The following STK39 variants were observed in gnomAD, a reference collection of about 807,000 sequenced individuals.
The protein encoded by STK39 is STE20/SPS1-related proline-alanine-rich protein kinase.
Under a neutral mutation model 77.8 loss-of-function variants are expected in STK39, and 20 were observed. The ratio of observed to expected loss-of-function variants is 0.26; its 90% CI spans 0.18 to 0.37. The LOEUF (loss-of-function observed/expected upper bound fraction) is 0.37. STK39 is among the 10% of genes least tolerant of loss of function. STK39 has a pLI of 1.00. For missense variants in STK39, 479 were observed against 656.5 expected (o/e 0.73, Z 2.95); for synonymous variants, 246 against 234.1 (o/e 1.05, Z -0.47).
intron 16 of STK39, among the ~76,000 whole-genome samples, chr2:168,001,716 G>T (rs996695102): frequency 6.6e-6 from 1 of 152,200 alleles, no homozygotes; most frequent in African/African-American, 2.4e-5. Flanking sequence ...TCATGAGGCA[G>T]TGACTTCTCT....
At chr2:168,017,865 T>G (rs1684455520) in intron 14 of STK39, among the ~76,000 whole-genome samples, 1 of 152,098 alleles carries the variant, frequency 6.6e-6, no homozygotes, top group African/African-American at 2.4e-5. Flanking sequence ...AGGTATGCAT[T>G]TGGTAGTTTA....
chr2:168,001,530 AT>A (rs1425168292), intron 16 of STK39, among the ~76,000 whole-genome samples: 13 of 149,940 alleles, frequency 8.7e-5, no homozygotes, highest in Non-Finnish European at 1.0e-4. Flanking sequence ...AAAAAAAAAA[AT>A]GATAACCTAA....
rs767907261 is a variant in STK39, at chr2:168,065,364, G to T, written c.1260C>A (p.Ser420Arg). ...GGGACTGTATTTGTTCGGGGATGGT[G>T]CTGGCACTCACTGCAATCTGTTACG... The part of the protein sequence containing the change: ...EENPEIAVSA[S>R]TIPEQIQSLS... Residue 420 changes from serine (S) to arginine (R), a missense_variant, in exon 13 of 18, where the codon AGC (serine) becomes AGA (arginine). This residue lies in a region of STK39 where 244 missense variants were observed against 296.8 expected (regional missense o/e 0.82). Coordinates refer to ENST00000355999, the MANE Select transcript of STK39 (RefSeq NM_013233.3). 1.2e-6 allele frequency: 2 copies of T among 1,614,070 alleles called. No homozygotes were observed. Among genetic ancestry groups the T allele is most frequent in the South Asian group, 2.2e-5 (2 of 91,068 alleles).
intron 10 of STK39, chr2:168,113,043 A>C (rs973997267): frequency 1.3e-5 from 2 of 152,214 alleles, no homozygotes; most frequent in Non-Finnish European, 2.9e-5. Context: ...CCCGGCTTCC[A>C]TGATTAGAAA....
chr2:168,161,108 A>G (rs1379582165), intron 5 of STK39, among the ~76,000 whole-genome samples: 2 of 152,230 alleles, frequency 1.3e-5, no homozygotes, highest in Non-Finnish European at 2.9e-5. Flanking sequence ...CACTCCCCCA[A>G]GAAACCATGA....
At chr2:167,983,477 A>AAGGAAGG (rs1683481239) in intron 16 of STK39, among the ~76,000 whole-genome samples, 4 of 130,790 alleles carry the variant, frequency 3.1e-5, no homozygotes, top group African/African-American at 8.6e-5. Flanking sequence ...AAAAGAAATG[A>AAGGAAGG]AAGGAAGGAA....
chr2:168,209,379 T>C (rs1479150886), intron 1 of STK39, among the ~76,000 whole-genome samples: 1 of 152,116 alleles, frequency 6.6e-6, no homozygotes, highest in Non-Finnish European at 1.5e-5. Context: ...TCTCTTACTA[T>C]AAGAAACTAA....
intron 17 of STK39, among the ~76,000 whole-genome samples, chr2:167,955,808 T>C (rs1444651575): frequency 6.6e-6 from 1 of 152,196 alleles, no homozygotes; most frequent in African/African-American, 2.4e-5. Flanking sequence ...GGATTTGTTA[T>C]CCATTAAAAT....
At chr2:168,136,019 C>T (rs1187735124) in intron 8 of STK39, among the ~76,000 whole-genome samples, 2 of 150,504 alleles carry the variant, frequency 1.3e-5, no homozygotes, top group Non-Finnish European at 1.5e-5. Context: ...TAGAAGGAAC[C>T]TGATATTTAA....
rs138517038 is a variant in STK39, at chr2:168,175,201, A to C, written c.321+6777T>G. Among the ~76,000 whole-genome samples, 1,036 of 152,298 alleles carry C rather than the reference A, an allele frequency of 6.8e-3. 13 individuals are homozygous for C. Among genetic ancestry groups the C allele is most frequent in the African/African-American group, 0.023 (971 of 41,564 alleles). On this transcript the variant is annotated intron_variant, in intron 2 of 17. Transcript: ENST00000355999. ...ACGACAATAACATAGGAAAGAACTA[A>C]AGCATTTGTCTCAACCTAAGCAACA...
Position 168,235,328 on chromosome 2 carries a change from C to T in STK39, c.208+11900G>A, listed in dbSNP as rs544858422. Among the ~76,000 whole-genome samples, 10 of 152,206 alleles carry T rather than the reference C, an allele frequency of 6.6e-5. No homozygotes were observed. The South Asian group carries it at 1.9e-3, about 28-fold the overall frequency. On this transcript the variant is annotated intron_variant, in intron 1 of 17. Transcript: ENST00000355999. ...GCTGGGACTACAGGCGTCCCTGAGC[C>T]ACCACGGCCGGCCCGAGTCAATAAT...
In STK39 at chr2:168,161,773, T is replaced by C. The variant is rs750399389; in HGVS notation, c.628+14A>G. 8 of 1,596,042 alleles carry C rather than the reference T, an allele frequency of 5.0e-6. No homozygotes were observed. Among genetic ancestry groups the C allele is most frequent in the Non-Finnish European group, 6.8e-6 (8 of 1,172,906 alleles). ...CGTAATCAAGTAAAAAATTTTTCTA[T>C]TTATCAGCTTTACCTGCTATTTGTA... is the stretch of plus-strand genomic sequence containing the variant. On this transcript the variant is annotated intron_variant, in intron 5 of 17. Transcript: ENST00000355999.
chr2:168,069,425 T>G (rs1038420756), intron 12 of STK39, among the ~76,000 whole-genome samples: 1 of 152,246 alleles, frequency 6.6e-6, no homozygotes, highest in Non-Finnish European at 1.5e-5. Context: ...TCTAGATTCT[T>G]GATAACAAAA....
chr2:168,059,873 T>C (rs1282848282), intron 14 of STK39, among the ~76,000 whole-genome samples: 1 of 152,188 alleles, frequency 6.6e-6, no homozygotes, highest in African/African-American at 2.4e-5. Flanking sequence ...TTTGAATATT[T>C]GAATTTTTCC....
intron 10 of STK39, among the ~76,000 whole-genome samples, chr2:168,094,559 T>C (rs1474609241): frequency 6.6e-6 from 1 of 152,218 alleles, no homozygotes; most frequent in Non-Finnish European, 1.5e-5. Flanking sequence ...CTAAATCCAA[T>C]GTCCTTTTGT....
At chr2:168,052,718 A>G (rs1574423554) in intron 14 of STK39, among the ~76,000 whole-genome samples, 2 of 152,240 alleles carry the variant, frequency 1.3e-5, no homozygotes, top group African/African-American at 4.8e-5. Flanking sequence ...TAGGTCCAAC[A>G]CAGGCTACTT....
At chr2:168,183,390 A>G (rs1689132369) in intron 1 of STK39, among the ~76,000 whole-genome samples, 1 of 152,078 alleles carries the variant, frequency 6.6e-6, no homozygotes, top group South Asian at 2.1e-4. Flanking sequence ...GAGCCTGTAC[A>G]TTTTTATTAC....
rs1485886591 is a variant in STK39, at chr2:168,010,791, T to C, written c.1498+1843A>G. ...TATGTAAATAACATACTGGATATTATGTCTTTAGTCAGAATTCTAATCTCC... is the reference window on the plus strand; with the variant it reads ...TATGTAAATAACATACTGGATATTACGTCTTTAGTCAGAATTCTAATCTCC... On this transcript the variant is annotated intron_variant, in intron 16 of 17. Transcript: ENST00000355999. Among the ~76,000 whole-genome samples, 3 of 152,242 alleles carry C rather than the reference T, an allele frequency of 2.0e-5. No individual in the cohort carries two copies. The East Asian group carries it at 5.8e-4, about 29-fold the overall frequency.
At chr2:167,991,917 A>G (rs1487013137) in intron 16 of STK39, among the ~76,000 whole-genome samples, 2 of 152,216 alleles carry the variant, frequency 1.3e-5, no homozygotes, top group Non-Finnish European at 2.9e-5. Flanking sequence ...TCAGGAAGAC[A>G]GGAATCTTTA....
Sources: allele counts gnomAD v4.1 joint callset (sites outside exome capture counted in the v4.1 genomes callset), GRCh38; gene constraint gnomAD v4.1.1; regional missense constraint gnomAD v4.1.1; transcripts MANE v1.5; gene names NCBI Gene and HGNC (gene_info 2026-07-23, HGNC 2026-07-21).